CDKAL1: variants seen among roughly 807,000 people sequenced by gnomAD.
CDKAL1 encodes the protein CDKAL1 threonylcarbamoyladenosine tRNA methylthiotransferase.
Under a neutral mutation model 68.2 loss-of-function variants are expected in CDKAL1, and 32 were observed. The observed-to-expected ratio is 0.47, with a 90% CI of 0.35 to 0.63. CDKAL1 has a LOEUF of 0.63. Ranked by LOEUF, CDKAL1 falls within the 30% of genes least tolerant of loss-of-function variation. The probability of loss-of-function intolerance (pLI) is 0.00; values close to 1 mark genes in which losing one functional copy is unlikely to be tolerated. For missense variants in CDKAL1, 606 were observed against 696.7 expected (o/e 0.87, Z 1.47); for synonymous variants, 234 against 244.3 (o/e 0.96, Z 0.39).
intron 9 of CDKAL1, among the ~76,000 whole-genome samples, chr6:20,852,816 T>G (rs1027297279): frequency 6.6e-6 from 1 of 152,222 alleles, no homozygotes; most frequent in African/African-American, 2.4e-5. Context: ...GTGGTTGAAG[T>G]AGAAGTGGGG....
At chr6:21,128,711 G>C (rs1422094369) in intron 13 of CDKAL1, among the ~76,000 whole-genome samples, 1 of 152,056 alleles carries the variant, frequency 6.6e-6, no homozygotes, top group Non-Finnish European at 1.5e-5. Context: ...TGGGTTTCTG[G>C]GAAGCAAAGG....
chr6:21,153,061 A>G (rs1562075421), intron 13 of CDKAL1, among the ~76,000 whole-genome samples: 1 of 152,160 alleles, frequency 6.6e-6, no homozygotes, highest in Non-Finnish European at 1.5e-5. Context: ...GTTCAGAAGT[A>G]GGTGATGTTT....
At chr6:20,876,168 T>G (rs1760503417) in intron 9 of CDKAL1, among the ~76,000 whole-genome samples, 1 of 152,258 alleles carries the variant, frequency 6.6e-6, no homozygotes, top group Admixed American at 6.5e-5. Flanking sequence ...TGAAGCTGAC[T>G]CAGGATCTGA....
chr6:21,139,657 C>T (rs556968461), intron 13 of CDKAL1, among the ~76,000 whole-genome samples: 3 of 152,072 alleles, frequency 2.0e-5, no homozygotes, highest in East Asian at 3.9e-4. Flanking sequence ...ACTACAGGCA[C>T]GCACCACCGT....
rs1285137730 is a variant in CDKAL1 at position 20,849,013 on chromosome 6, G to A, written c.742+2835G>A. Among the ~76,000 whole-genome samples, 7 of 151,778 alleles carry A rather than the reference G, an allele frequency of 4.6e-5. No homozygotes were observed. The East Asian group carries it at 7.8e-4, about 17-fold the overall frequency. On this transcript the variant is annotated intron_variant, in intron 9 of 15. Transcript: ENST00000274695. ...TCCCTGTGTTTGCCAGGCTGGTCTC[G>A]AACTCCTGGCCTCAAGCCACCTTGG...
At position 21,211,681 on chromosome 6, in the gene CDKAL1, CCTA is replaced by C. The variant is rs561240338; in HGVS notation, c.1548+10410_1548+10412del. 1.8e-3 allele frequency among the ~76,000 whole-genome samples: 267 copies of C among 152,274 alleles called. 1 individual carries two copies. The highest frequency in any genetic ancestry group is 6.1e-3 in the African/African-American group (252 of 41,540). On this transcript the variant is annotated intron_variant, in intron 15 of 15. Coordinates refer to ENST00000274695, the MANE Select transcript of CDKAL1 (RefSeq NM_017774.3). ...TCTAACTACAAGAGTCTAGAAAATA[CCTA>C]CTTTTGTTTTAATAAGAAGGAGAAG...
At position 20,747,091 on chromosome 6, in the gene CDKAL1, A is replaced by AT. The variant is rs1236999242; in HGVS notation, c.468+7485dup. ...CTTTTACACACAATTGAAATCATGC[A>AT]TTTTTTTTTCCCAGTGTCTGGCTTA... is the stretch of plus-strand genomic sequence containing the variant. On this transcript the variant is annotated intron_variant, in intron 6 of 15. Transcript: ENST00000274695. 5.1e-3 allele frequency among the ~76,000 whole-genome samples: 775 copies of AT among 151,098 alleles called. 7 individuals carry two copies. The highest frequency in any genetic ancestry group is 0.017 in the African/African-American group (700 of 41,196).
intron 4 of CDKAL1, among the ~76,000 whole-genome samples, chr6:20,611,687 T>C (rs189726178): frequency 2.0e-4 from 30 of 152,320 alleles, no homozygotes; most frequent in African/African-American, 3.8e-4. Context: ...TGTGTAATGA[T>C]TGAGTCAATA....
intron 15 of CDKAL1, among the ~76,000 whole-genome samples, chr6:21,224,796 A>AT (rs1779675850): frequency 6.6e-6 from 1 of 152,218 alleles, no homozygotes; most frequent in African/African-American, 2.4e-5. Context: ...CTCACATAAC[A>AT]TGCTGTTTCT....
In CDKAL1 at chr6:21,186,780, A is replaced by C. The variant is rs553451409; in HGVS notation, c.1300-11241A>C. Among the ~76,000 whole-genome samples, 3 of 152,218 alleles carry C rather than the reference A, an allele frequency of 2.0e-5. No homozygotes were observed. In the South Asian group the frequency reaches 6.2e-4, roughly 32 times the overall value. On this transcript the variant is annotated intron_variant, in intron 13 of 15. Transcript: ENST00000274695. ...GAGGTTTTTTTTTTAATTTTTTTGA[A>C]AAATGACTAATATCCTTTCTAAAAC...
At chr6:20,842,182 T>G (rs1252295822) in intron 8 of CDKAL1, among the ~76,000 whole-genome samples, 2 of 152,218 alleles carry the variant, frequency 1.3e-5, no homozygotes, top group Admixed American at 1.3e-4. Context: ...TCTTGGTGAT[T>G]AGAAAAACTG....
intron 9 of CDKAL1, among the ~76,000 whole-genome samples, chr6:20,924,235 G>A (rs1763083535): frequency 1.3e-5 from 2 of 149,020 alleles, no homozygotes; most frequent in Admixed American, 1.4e-4. Flanking sequence ...GTGTGGTGGT[G>A]TGTACCCATA....
At chr6:20,885,471 GACCCCT>G (rs1290448813) in intron 9 of CDKAL1, among the ~76,000 whole-genome samples, 1 of 152,112 alleles carries the variant, frequency 6.6e-6, no homozygotes, top group Non-Finnish European at 1.5e-5. Flanking sequence ...AACAAAGTTA[GACCCCT>G]ACCTTACACC....
At position 20,877,179 on chromosome 6, in the gene CDKAL1, A is replaced by G. The variant is rs149833978; in HGVS notation, c.742+31001A>G. ...TGGTTAGGGAAGCATTCCTGCAGGC[A>G]GTGTTGTAAAATGTGGAGCACTTTA... On this transcript the variant is annotated intron_variant, in intron 9 of 15. Coordinates refer to ENST00000274695, the MANE Select transcript of CDKAL1 (RefSeq NM_017774.3). 3.0e-3 allele frequency among the ~76,000 whole-genome samples: 463 copies of G among 152,324 alleles called. 5 individuals carry two copies. The highest frequency in any genetic ancestry group is 0.01 in the African/African-American group (429 of 41,560).
At chr6:21,081,301 G>A (rs1242190441) in intron 12 of CDKAL1, among the ~76,000 whole-genome samples, 1 of 152,054 alleles carries the variant, frequency 6.6e-6, no homozygotes, top group Non-Finnish European at 1.5e-5. Context: ...TATTAAATAA[G>A]GAGAATATAA....
At chr6:21,133,964 G>T (rs1046123266) in intron 13 of CDKAL1, among the ~76,000 whole-genome samples, 1 of 152,076 alleles carries the variant, frequency 6.6e-6, no homozygotes, top group African/African-American at 2.4e-5. Context: ...ATCTTTAATT[G>T]CCTCTTGAAA....
intron 10 of CDKAL1, among the ~76,000 whole-genome samples, chr6:20,991,557 A>C (rs1482290282): frequency 5.9e-5 from 9 of 151,874 alleles, no homozygotes; most frequent in African/African-American, 2.2e-4. Context: ...AAATACAAAA[A>C]TTAGCCAGGC....
chr6:20,715,713 A>G (rs914573621), intron 5 of CDKAL1, among the ~76,000 whole-genome samples: 1 of 152,146 alleles, frequency 6.6e-6, no homozygotes, highest in Admixed American at 6.6e-5. Flanking sequence ...GCTTTCATCA[A>G]TGCTTGTTAT....
intron 4 of CDKAL1, among the ~76,000 whole-genome samples, chr6:20,629,797 C>T (rs1418884876): frequency 2.6e-5 from 4 of 151,872 alleles, no homozygotes; most frequent in African/African-American, 9.7e-5. Context: ...TCTTCTTGGG[C>T]TCTGAGACCC....
Sources: gnomAD v4.1 joint callset for allele counts (sites outside exome capture counted in the v4.1 genomes callset) on GRCh38, gnomAD v4.1.1 for gene constraint, MANE v1.5 for transcripts, NCBI Gene and HGNC (gene_info 2026-07-23, HGNC 2026-07-21) for gene names.